CFAP46: variants seen among roughly 807,000 people sequenced by gnomAD.
CFAP46 encodes cilia- and flagella-associated protein 46.
In CFAP46, 245 loss-of-function variants were observed where a neutral mutation model predicts 325.7. The ratio of observed to expected loss-of-function variants is 0.75; its 90% CI spans 0.68 to 0.84. CFAP46 has a LOEUF of 0.84. CFAP46 is among the 40% of genes least tolerant of loss of function. The pLI, the probability that CFAP46 is intolerant of heterozygous loss-of-function variation, is 0.00. For missense variants in CFAP46, 3,346 were observed against 3,543.0 expected, an observed-to-expected ratio of 0.94 and a Z score of 1.41; for synonymous variants, 1,523 against 1,495.9, an observed-to-expected ratio of 1.02 and a Z score of -0.42.
chr10:132,834,716 G>A lies in CFAP46; in HGVS notation c.6804C>T (p.Val2268=), dbSNP rs758883564. 1.2e-6 allele frequency: 2 copies of A among 1,613,110 alleles called. No individual in the cohort carries two copies. Among genetic ancestry groups the A allele is most frequent in the Non-Finnish European group, 1.7e-6 (2 of 1,179,928 alleles). Residue 2268 remains valine, a synonymous_variant, in exon 48 of 58, where the codon GTC becomes GTT. Transcript: ENST00000368586. The part of the protein sequence containing the change: ...KERPVQRLSS[V]LGPLEELLQP... ...GCAGAAGCTCCTCCAGGGGCCCCAG[G>A]ACGCTACTGAGCCTCTGCACAGGGC...
At chr10:132,825,140 GGTGATGTGTGCTGTGTGTGCA>G (rs1226359349) in intron 50 of CFAP46, among the ~76,000 whole-genome samples, 8 of 127,350 alleles carry the variant, frequency 6.3e-5, no homozygotes, top group African/African-American at 4.0e-5. Context: ...CTGTGTGTGT[GGTGATGTGTGCTGTGTGTGCA>G]GTGATGTGTG....
rs367930815 is a variant in CFAP46 at position 132,835,438 on chromosome 10, T to A, written c.6614-4A>T. 14 of 1,613,298 alleles carry A rather than the reference T, an allele frequency of 8.7e-6. No individual in the cohort carries two copies. Among genetic ancestry groups the A allele is most frequent in the Non-Finnish European group, 1.1e-5 (13 of 1,179,886 alleles). ...AGACGCATCACCTTGCAGGAGCCTGTGGGGACATGGACACACCCTCTGTCG... is the reference window on the plus strand; with the variant it reads ...AGACGCATCACCTTGCAGGAGCCTGAGGGGACATGGACACACCCTCTGTCG... On this transcript the variant is annotated splice_region_variant and splice_polypyrimidine_tract_variant and intron_variant, in intron 46 of 57. Transcript: ENST00000368586.
At chr10:132,821,436 G>A (rs1369732008) in intron 50 of CFAP46, among the ~76,000 whole-genome samples, 316 of 141,836 alleles carry the variant, frequency 2.2e-3, no homozygotes, top group Non-Finnish European at 4.3e-3. Flanking sequence ...TGTGTGCTGT[G>A]TGAGTGCTGA....
intron 46 of CFAP46, 131 bp from the exon 47 acceptor site, chr10:132,835,565 C>T (rs938629116): frequency 1.7e-6 from 2 of 1,178,462 alleles, no homozygotes; most frequent in East Asian, 5.0e-5. Context: ...TCCCTTCCTT[C>T]ATGTGGGGTC....
At chr10:132,941,450 C>G in intron 3 of CFAP46, 141 bp downstream of exon 3, 1 of 1,152,252 alleles carries the variant, frequency 8.7e-7, no homozygotes, top group Non-Finnish European at 1.2e-6. Context: ...GGAAATGGTG[C>G]AAGTTTCGTG....
chr10:132,909,033 G>A, intron 21 of CFAP46, 104 bp downstream of exon 21: 1 of 772,268 alleles, frequency 1.3e-6, no homozygotes, highest in Non-Finnish European at 2.1e-6. Flanking sequence ...GCAGAGTGGG[G>A]GTGAGCATGC....
intron 4 of CFAP46, 141 bp downstream of exon 4, chr10:132,940,855 G>A (rs1850087215): frequency 3.9e-6 from 3 of 771,272 alleles, no homozygotes; most frequent in South Asian, 3.3e-5. Flanking sequence ...CGAGATGAGG[G>A]AGTGATCACA....
chr10:132,842,416 C>T (rs1240489899), intron 44 of CFAP46, among the ~76,000 whole-genome samples: 2 of 152,214 alleles, frequency 1.3e-5, no homozygotes, highest in Non-Finnish European at 2.9e-5. Flanking sequence ...CTTAACGGAT[C>T]TCTAAAGAGT....
intron 44 of CFAP46, among the ~76,000 whole-genome samples, chr10:132,844,739 G>A (rs11146541): frequency 1.8e-4 from 27 of 152,290 alleles, no homozygotes; most frequent in African/African-American, 5.5e-4. Flanking sequence ...GTCTGCAGCC[G>A]TGCGGGAGGG....
chr10:132,814,320 G>C, intron 53 of CFAP46, 66 bp from the exon 54 acceptor site: 2 of 1,377,712 alleles, frequency 1.5e-6, no homozygotes, highest in East Asian at 2.3e-5. Flanking sequence ...CAGGGCCGGG[G>C]TCCCTGGGGA....
At chr10:132,858,670 C>T (rs1159512037) in intron 38 of CFAP46, among the ~76,000 whole-genome samples, 4 of 151,658 alleles carry the variant, frequency 2.6e-5, no homozygotes, top group Non-Finnish European at 5.9e-5. Context: ...GGGCTGTGCT[C>T]GGGATGTGCA....
In CFAP46 at chr10:132,814,782, C is replaced by T. The variant is rs759722619; in HGVS notation, c.7189-36G>A. ...AGACCAGGGTCAGCAGGTGCAGGGG[C>T]CAGGAGCCTGACCTCCCGCTGTGCC... On this transcript the variant is annotated intron_variant, in intron 51 of 57. Coordinates refer to ENST00000368586, the MANE Select transcript of CFAP46 (RefSeq NM_001200049.3). The T allele has an allele frequency of 1.1e-5, 17 of 1,613,382 alleles. No individual in the cohort carries two copies. The Admixed American group carries it at 1.5e-4, about 14-fold the overall frequency.
rs189824611 is a variant in CFAP46, at chr10:132,915,254, T to A, written c.2120+1295A>T. 7.5e-4 allele frequency among the ~76,000 whole-genome samples: 114 copies of A among 152,356 alleles called. 1 individual carries two copies. The highest frequency in any genetic ancestry group is 2.7e-3 in the African/African-American group (112 of 41,582). On this transcript the variant is annotated intron_variant, in intron 17 of 57. Transcript: ENST00000368586. Reference sequence around the variant, plus strand: ...AGCAGGCCCACCAGGAGTGCAGAGCTCTGCCCAGCCTTGGGCCTGGGTCCT... The same window carrying A: ...AGCAGGCCCACCAGGAGTGCAGAGCACTGCCCAGCCTTGGGCCTGGGTCCT...
At chr10:132,852,885 T>A (rs193146451) in intron 39 of CFAP46, among the ~76,000 whole-genome samples, 1 of 152,392 alleles carries the variant, frequency 6.6e-6, no homozygotes, top group African/African-American at 2.4e-5. Context: ...ATACAACTGA[T>A]ATCTGCATAT....
intron 6 of CFAP46, 86 bp from the exon 7 acceptor site, chr10:132,937,141 T>C (rs768954245): frequency 1.3e-6 from 1 of 780,430 alleles, no homozygotes; most frequent in East Asian, 3.0e-5. Flanking sequence ...TATTTTCTCA[T>C]TAATTTTGTA....
intron 57 of CFAP46, among the ~76,000 whole-genome samples, chr10:132,809,791 G>A (rs1051966428): frequency 6.6e-6 from 1 of 152,208 alleles, no homozygotes; most frequent in African/African-American, 2.4e-5. Context: ...CCGTGTTTGA[G>A]AACAGACCAT....
At chr10:132,875,961 T>A (rs1230458706) in intron 31 of CFAP46, among the ~76,000 whole-genome samples, 1 of 152,228 alleles carries the variant, frequency 6.6e-6, no homozygotes, top group Non-Finnish European at 1.5e-5. Flanking sequence ...GCAGATCTGC[T>A]GGTCACATGG....
In CFAP46 at chr10:132,909,924, C is replaced by T. The variant is rs1849515911; in HGVS notation, c.2644G>A (p.Glu882Lys). The T allele has an allele frequency of 6.8e-7, 1 of 1,461,404 alleles. No individual in the cohort carries two copies. The highest frequency in any genetic ancestry group is 2.6e-5 in the Admixed American group (1 of 38,806). The allele number at this position is 1,461,404 out of a possible 1,614,324, so 90.5% of individuals were successfully genotyped here. A position where few individuals can be genotyped will look rare whatever the true frequency, so the allele number is the denominator to read the frequency against. Reference protein sequence around the residue: ...QQIGPRLGTEEQGTNEDVSSV... With the variant: ...QQIGPRLGTEKQGTNEDVSSV... ...ATGTGGGCAGGGGCGCCCACCTGCT[C>T]CTCGGTGCCCAGCCGTGGCCCAATC... The change falls in exon 20 of 58, where the codon GAG (glutamate) becomes AAG (lysine). Residue 882 changes from glutamate (E) to lysine (K), a missense_variant. Physicochemically the swap from Glu to Lys is moderately conservative, Grantham distance 56 (BLOSUM62 1). Coordinates refer to ENST00000368586, the MANE Select transcript of CFAP46 (RefSeq NM_001200049.3).
intron 31 of CFAP46, among the ~76,000 whole-genome samples, chr10:132,875,557 A>T (rs1848946329): frequency 6.6e-6 from 1 of 152,114 alleles, no homozygotes; most frequent in South Asian, 2.1e-4. Flanking sequence ...AGCAAGAGAG[A>T]CCCCAAAGCA....
Sources: allele counts gnomAD v4.1 joint callset (sites outside exome capture counted in the v4.1 genomes callset), GRCh38; gene constraint gnomAD v4.1.1; transcripts MANE v1.5; gene names NCBI Gene and HGNC (gene_info 2026-07-23, HGNC 2026-07-21).